DPP6: variants seen among roughly 807,000 people sequenced by gnomAD.
DPP6 encodes the protein dipeptidyl peptidase like 6.
DPP6 carries 69 observed loss-of-function variants against 122.6 expected under a neutral mutation model. The observed-to-expected ratio is 0.56, with a 90% CI of 0.46 to 0.69. The LOEUF (loss-of-function observed/expected upper bound fraction) is 0.69. Ranked by LOEUF, DPP6 falls within the 30% of genes least tolerant of loss-of-function variation. The pLI is 0.00. For synonymous variants in DPP6, 418 were observed against 433.1 expected (o/e 0.97, Z 0.43); for missense variants, 928 against 1,116.9 (o/e 0.83, Z 2.41).
Position 154,267,248 on chromosome 7 carries a change from T to C in DPP6, c.244-178966T>C, listed in dbSNP as rs1319020295. Among the ~76,000 whole-genome samples, 3 of 150,934 alleles carry C rather than the reference T, an allele frequency of 2.0e-5. No homozygotes were observed. In the East Asian group the frequency reaches 5.8e-4, roughly 29 times the overall value. ...TAGTAAGATATAATAGATTTTCATT[T>C]TGAATACTTAAATATTCAACATTTT... On this transcript the variant is annotated intron_variant, in intron 1 of 25. Coordinates refer to ENST00000377770, the MANE Select transcript of DPP6 (RefSeq NM_130797.4).
chr7:154,208,769 T>TAA (rs879580101), intron 1 of DPP6, among the ~76,000 whole-genome samples: 1 of 142,726 alleles, frequency 7.0e-6, no homozygotes, highest in East Asian at 2.0e-4. Context: ...GGAATTGAAG[T>TAA]AAAAAAAAAA....
rs554795363 is a variant in DPP6 at position 154,603,366 on chromosome 7, A to G, written c.628-34455A>G. On this transcript the variant is annotated intron_variant, in intron 5 of 25. Coordinates refer to ENST00000377770, the MANE Select transcript of DPP6 (RefSeq NM_130797.4). Reference sequence around the variant, plus strand: ...TCTACTCTTACATGGATATTCGGCCATTTTAATCATTCCAGGCTGGCTGTG... The same window carrying G: ...TCTACTCTTACATGGATATTCGGCCGTTTTAATCATTCCAGGCTGGCTGTG... 2.5e-5 allele frequency among the ~76,000 whole-genome samples: 3 copies of G among 118,104 alleles called. 1 individual carries two copies. In the South Asian group the frequency reaches 1.1e-3, roughly 42 times the overall value. The allele number at this position is 118,104 out of a possible 152,430, so 77.5% of individuals were successfully genotyped here.
rs1411434817 is a variant in DPP6, at chr7:154,821,130, G to C, written c.1666+14018G>C. Among the ~76,000 whole-genome samples, 1 of 152,188 alleles carries C rather than the reference G, an allele frequency of 6.6e-6. No individual in the cohort carries two copies. The highest frequency in any genetic ancestry group is 2.4e-5 in the African/African-American group (1 of 41,440). On this transcript the variant is annotated intron_variant, in intron 16 of 25. Transcript: ENST00000377770. The surrounding 1 kb of genome is among the most constrained non-coding windows in gnomAD (Gnocchi z 4.2). ...TCCTCTGGTCTCAACACCAGGAATG[G>C]TTGAGCTTCTCATAACCTATCTAAT...
chr7:153,748,146 C>T, the DPP6 span, among the ~76,000 whole-genome samples: 1 of 152,224 alleles, frequency 6.6e-6, no homozygotes, highest in African/African-American at 2.4e-5. Flanking sequence ...GCGCTCGCAT[C>T]CCTCAGCTGT....
At chr7:154,689,493 G>A (rs1464406211) in intron 7 of DPP6, among the ~76,000 whole-genome samples, 1 of 152,138 alleles carries the variant, frequency 6.6e-6, no homozygotes, top group Non-Finnish European at 1.5e-5. Flanking sequence ...TAGAAAACCA[G>A]CCTTATGTGA....
intron 2 of DPP6, among the ~76,000 whole-genome samples, chr7:154,469,004 T>A (rs1463876587): frequency 6.6e-6 from 1 of 152,204 alleles, no homozygotes; most frequent in Non-Finnish European, 1.5e-5. Flanking sequence ...TTAAAACAAA[T>A]GCTCTCTTCA....
At chr7:153,894,073 G>A (rs1009769405) in intron 1 of DPP6, among the ~76,000 whole-genome samples, 5 of 152,094 alleles carry the variant, frequency 3.3e-5, no homozygotes, top group East Asian at 3.9e-4. Flanking sequence ...CCCTGGCCCC[G>A]CAACTCACAC....
chr7:154,640,629 C>T (rs575458165), intron 6 of DPP6, among the ~76,000 whole-genome samples: 3 of 152,286 alleles, frequency 2.0e-5, no homozygotes, highest in Admixed American at 1.3e-4. Context: ...CCTGGAGCTT[C>T]GTGACCCCTT....
chr7:154,525,971 G>GCT (rs1827378653), intron 3 of DPP6, among the ~76,000 whole-genome samples: 1 of 152,140 alleles, frequency 6.6e-6, no homozygotes, highest in Non-Finnish European at 1.5e-5. Context: ...AAAGGATGTA[G>GCT]TTATCATGTT....
At chr7:153,885,344 T>C (rs1284900469), upstream of DPP6, among the ~76,000 whole-genome samples, 1 of 152,064 alleles carries the variant, frequency 6.6e-6, no homozygotes, top group Non-Finnish European at 1.5e-5. Flanking sequence ...TTTTTGTCTC[T>C]CCCTTTTCCA....
At chr7:153,932,437 T>C (rs1801216961) in intron 1 of DPP6, among the ~76,000 whole-genome samples, 1 of 152,122 alleles carries the variant, frequency 6.6e-6, no homozygotes, top group African/African-American at 2.4e-5. Context: ...ATTTTGTTTA[T>C]ATGAACTATA....
intron 1 of DPP6, among the ~76,000 whole-genome samples, chr7:154,180,023 C>T (rs1287926606): frequency 6.6e-6 from 1 of 152,024 alleles, no homozygotes; most frequent in African/African-American, 2.4e-5. Flanking sequence ...TGTATAGAAA[C>T]AGAATGAAGT....
chr7:154,615,978 C>T (rs1477319680), intron 5 of DPP6, among the ~76,000 whole-genome samples: 1 of 152,200 alleles, frequency 6.6e-6, no homozygotes, highest in Non-Finnish European at 1.5e-5. Flanking sequence ...CAGTGTCTAT[C>T]TTTCTGCATC....
At chr7:154,022,967 C>T (rs1180532377) in intron 1 of DPP6, among the ~76,000 whole-genome samples, 1 of 152,152 alleles carries the variant, frequency 6.6e-6, no homozygotes, top group Non-Finnish European at 1.5e-5. Flanking sequence ...ATCCAAGGGT[C>T]AGTACAAAGC....
In DPP6 at chr7:154,660,830, T is replaced by C. The variant is rs1480607167; in HGVS notation, c.681-8530T>C. ...TTCATATAGTCATGGTGAATCACCATGGCGTATTGGCCGTAGTGTTCATAT... is the reference window on the plus strand; with the variant it reads ...TTCATATAGTCATGGTGAATCACCACGGCGTATTGGCCGTAGTGTTCATAT... On this transcript the variant is annotated intron_variant, in intron 6 of 25. Transcript: ENST00000377770. Among the ~76,000 whole-genome samples, 2 of 23,786 alleles carry C rather than the reference T, an allele frequency of 8.4e-5. 1 individual carries two copies. The highest frequency in any genetic ancestry group is 3.0e-4 in the African/African-American group (2 of 6,732). 15.6% of individuals were successfully genotyped at this position (23,786 alleles called of 152,430 possible).
chr7:154,303,346 T>G (rs1055551818), intron 1 of DPP6, among the ~76,000 whole-genome samples: 6 of 152,140 alleles, frequency 3.9e-5, no homozygotes, highest in Non-Finnish European at 7.3e-5. Flanking sequence ...CAGCCCTTCT[T>G]TCTGAGCCTG....
intron 3 of DPP6, among the ~76,000 whole-genome samples, chr7:154,480,467 A>G (rs1357563140): frequency 6.6e-6 from 1 of 152,184 alleles, no homozygotes; most frequent in Non-Finnish European, 1.5e-5. Context: ...AGCATTGGAC[A>G]CCATTGATTC....
intron 1 of DPP6, among the ~76,000 whole-genome samples, chr7:154,336,084 A>G (rs1809391535): frequency 1.3e-5 from 2 of 152,016 alleles, no homozygotes; most frequent in Non-Finnish European, 2.9e-5. Context: ...GTAGAAATCC[A>G]TATTAGAACA....
At chr7:153,847,667 C>T in the DPP6 span, among the ~76,000 whole-genome samples, 17 of 152,236 alleles carry the variant, frequency 1.1e-4, 1 homozygote, top group Admixed American at 9.8e-4. Flanking sequence ...GCAGACACTC[C>T]AAAGTGTCTA....
Sources: allele counts gnomAD v4.1 joint callset (sites outside exome capture counted in the v4.1 genomes callset), GRCh38; gene constraint gnomAD v4.1.1; non-coding constraint Gnocchi (gnomAD v3.1); transcripts MANE v1.5; gene names NCBI Gene and HGNC (gene_info 2026-07-23, HGNC 2026-07-21).